Variants in AHCTF1 observed in about 807,000 individuals in gnomAD.
The protein encoded by AHCTF1 is protein ELYS.
In AHCTF1, 24 loss-of-function variants were observed where a neutral mutation model predicts 248.4. The ratio of observed to expected loss-of-function variants is 0.10; its 90% CI spans 0.07 to 0.14. The LOEUF is 0.14. Among genes scored for constraint, AHCTF1 ranks in the 10% least tolerant of loss-of-function variants. The pLI is 1.00. For synonymous variants in AHCTF1, 786 were observed against 929.8 expected, an observed-to-expected ratio of 0.85 and a Z score of 2.81; for missense variants, 2,206 against 2,636.2, an observed-to-expected ratio of 0.84 and a Z score of 3.57.
chr1:246,902,678 G>A lies in AHCTF1; in HGVS notation c.967-3C>T. ...CTTTCTTCACAGTATTCTAACCCCT[G>A]TAACATAAAATACACGCAAATATTA... On this transcript the variant is annotated splice_polypyrimidine_tract_variant and splice_region_variant and intron_variant, in intron 7 of 35. Transcript: ENST00000648844. 1 of 1,585,918 alleles carries A rather than the reference G, an allele frequency of 6.3e-7. No individual in the cohort carries two copies. Among genetic ancestry groups the A allele is most frequent in the Non-Finnish European group, 8.6e-7 (1 of 1,166,092 alleles).
Position 246,913,964 on chromosome 1 carries a change from C to CT in AHCTF1, c.376-553dup, listed in dbSNP as rs1665978110. On this transcript the variant is annotated intron_variant, in intron 3 of 35. Transcript: ENST00000648844. Reference sequence around the variant, plus strand: ...AAGATATTTTAAGTCCTCTTTATACCTTAAAGACTGAAGAGGTCTAACCTT... The same window carrying CT: ...AAGATATTTTAAGTCCTCTTTATACCTTTAAAGACTGAAGAGGTCTAACCTT... Among the ~76,000 whole-genome samples, 3 of 152,152 alleles carry CT rather than the reference C, an allele frequency of 2.0e-5. No individual in the cohort carries two copies. The South Asian group carries it at 6.2e-4, about 32-fold the overall frequency.
chr1:246,855,257 T>A (rs994778459), intron 31 of AHCTF1, among the ~76,000 whole-genome samples: 2 of 152,186 alleles, frequency 1.3e-5, no homozygotes, highest in Non-Finnish European at 2.9e-5. Flanking sequence ...GAAAATCCTA[T>A]CTTCCTCATC....
intron 8 of AHCTF1, 52 bp downstream of exon 8, chr1:246,902,473 A>T: frequency 1.3e-6 from 2 of 1,562,288 alleles, no homozygotes; most frequent in Non-Finnish European, 1.7e-6. Flanking sequence ...AACACCTGTC[A>T]TAAATTTTAA....
At chr1:246,857,964 C>CTTCTTTTT (rs111386980) in intron 29 of AHCTF1, 150 bp from the exon 30 acceptor site, 2 of 493,310 alleles carry the variant, frequency 4.1e-6, no homozygotes, top group Non-Finnish European at 3.4e-6. Context: ...ACACTTTCTT[C>CTTCTTTTT]TTTTTTTTTT....
chr1:246,906,777 A>G (rs923543276), intron 5 of AHCTF1, among the ~76,000 whole-genome samples: 2 of 152,240 alleles, frequency 1.3e-5, no homozygotes, highest in African/African-American at 4.8e-5. Flanking sequence ...GCTACAAAGT[A>G]TCAATATAAT....
At chr1:246,924,603 T>C (rs772092889) in intron 1 of AHCTF1, among the ~76,000 whole-genome samples, 1 of 152,058 alleles carries the variant, frequency 6.6e-6, no homozygotes, top group South Asian at 2.1e-4. Flanking sequence ...CACATCTTAG[T>C]CCCCTCCCCC....
rs1661825734 is a variant in AHCTF1, at chr1:246,864,654, T to C, written c.3348-538A>G. ...ATCGAGACCATCCTGGCTAACAAGG[T>C]GAAACCCCGTCTCTACTAAAAATAC... On this transcript the variant is annotated intron_variant, in intron 26 of 35. Coordinates refer to ENST00000648844, the MANE Select transcript of AHCTF1 (RefSeq NM_001323342.2). Among the ~76,000 whole-genome samples, 2 of 22,170 alleles carry C rather than the reference T, an allele frequency of 9.0e-5. 1 individual carries two copies. Among genetic ancestry groups the C allele is most frequent in the Non-Finnish European group, 1.3e-4 (2 of 15,530 alleles). 14.5% of individuals were successfully genotyped at this position (22,170 alleles called of 152,430 possible).
chr1:246,858,077 C>T (rs976691080), intron 29 of AHCTF1, among the ~76,000 whole-genome samples: 10 of 151,656 alleles, frequency 6.6e-5, no homozygotes, highest in Non-Finnish European at 5.9e-5. Flanking sequence ...CTCCTGCCTC[C>T]GCCCCCCGAG....
At position 246,851,108 on chromosome 1, in the gene AHCTF1, T is replaced by C; in HGVS notation, c.4898A>G (p.Asp1633Gly). ...CAAATTTGCAATTTGTCCATGATTA[T>C]CATTTTCCCCACTGCATACAAGTTT... ...EEKLVCSGEN[D>G]NHGQIANLPS... is the part of the protein sequence containing the mutation. Residue 1633 changes from aspartate to glycine, a missense_variant, in exon 33 of 36, where the codon GAT becomes GGT. By Grantham distance (94) the Asp-to-Gly change is moderately conservative. This residue lies in a region of AHCTF1 where 955 missense variants were observed against 1,055.6 expected (regional missense o/e 0.90). Coordinates refer to ENST00000648844, the MANE Select transcript of AHCTF1 (RefSeq NM_001323342.2). 6.2e-7 allele frequency: 1 copy of C among 1,613,952 alleles called. No homozygotes were observed. The highest frequency in any genetic ancestry group is 8.5e-7 in the Non-Finnish European group (1 of 1,179,856).
At chr1:246,930,845 T>C (rs901801809) in intron 1 of AHCTF1, among the ~76,000 whole-genome samples, 2 of 152,202 alleles carry the variant, frequency 1.3e-5, no homozygotes, top group Non-Finnish European at 2.9e-5. Flanking sequence ...AACTGACGAT[T>C]TGGAAATAAA....
intron 24 of AHCTF1, among the ~76,000 whole-genome samples, chr1:246,874,221 TA>T (rs1245983322): frequency 6.6e-6 from 1 of 152,202 alleles, no homozygotes; most frequent in Non-Finnish European, 1.5e-5. Flanking sequence ...TTCAGCTGAC[TA>T]AAGAGACTGA....
rs1218243638 is a variant in AHCTF1 at position 246,927,578 on chromosome 1, C to G, written c.-8+4000G>C. 3.3e-5 allele frequency among the ~76,000 whole-genome samples: 5 copies of G among 152,350 alleles called. 1 individual carries two copies. The South Asian group carries it at 1.0e-3, about 32-fold the overall frequency. ...TGAAACACCTACGTTCAGTACTGTA[C>G]AAAATTAAACAGAATCCCAGCCTTT... On this transcript the variant is annotated intron_variant, in intron 1 of 35. Coordinates refer to ENST00000648844, the MANE Select transcript of AHCTF1 (RefSeq NM_001323342.2).
In AHCTF1 at chr1:246,855,751, T is replaced by C. The variant is rs1420969378; in HGVS notation, c.4333A>G (p.Ile1445Val). ...LTSVETYTPA[I>V]RANDNKSMAD... ...ATACATTTATTGTCATTTGCTCTAATTGCAGGGGTGTAGGTTTCAACAGAT... is the reference window on the plus strand; with the variant it reads ...ATACATTTATTGTCATTTGCTCTAACTGCAGGGGTGTAGGTTTCAACAGAT... Residue 1445 changes from isoleucine to valine, a missense_variant, in exon 31 of 36, where the codon ATT becomes GTT. Transcript: ENST00000648844. 8 of 1,612,762 alleles carry C rather than the reference T, an allele frequency of 5.0e-6. No homozygotes were observed. Among genetic ancestry groups the C allele is most frequent in the South Asian group, 2.2e-5 (2 of 90,806 alleles).
intron 31 of AHCTF1, 116 bp from the exon 32 acceptor site, chr1:246,853,415 T>C (rs1275032659): frequency 1.3e-6 from 1 of 747,756 alleles, no homozygotes; most frequent in Non-Finnish European, 2.1e-6. Context: ...TAATAAACTA[T>C]CACAATGCCA....
chr1:246,861,464 G>A (rs1661545307), intron 28 of AHCTF1, among the ~76,000 whole-genome samples, 169 bp from the exon 29 acceptor site: 1 of 152,124 alleles, frequency 6.6e-6, no homozygotes, highest in African/African-American at 2.4e-5. Context: ...GTACGTAAAA[G>A]TTAATGGTGG....
intron 3 of AHCTF1, among the ~76,000 whole-genome samples, chr1:246,915,769 T>G (rs1666102236): frequency 6.6e-6 from 1 of 152,190 alleles, no homozygotes; most frequent in Admixed American, 6.5e-5. Context: ...ATTTTAAAAA[T>G]TGAATAGTAA....
intron 24 of AHCTF1, among the ~76,000 whole-genome samples, chr1:246,869,692 C>G (rs1662426722): frequency 6.6e-6 from 1 of 151,718 alleles, no homozygotes; most frequent in Non-Finnish European, 1.5e-5. Flanking sequence ...TATTTTAAGC[C>G]TACTGTTGAG....
At chr1:246,883,916 G>C (rs1441332849) in intron 21 of AHCTF1, among the ~76,000 whole-genome samples, 1 of 152,134 alleles carries the variant, frequency 6.6e-6, no homozygotes, top group Non-Finnish European at 1.5e-5. Flanking sequence ...TGCTCTGGAT[G>C]AATTAAAGAA....
intron 2 of AHCTF1, among the ~76,000 whole-genome samples, chr1:246,917,806 A>C (rs1666249373): frequency 3.3e-5 from 5 of 152,226 alleles, no homozygotes; most frequent in Admixed American, 3.3e-4. Flanking sequence ...ACACAATCTA[A>C]GTTACACATT....
Sources: allele counts gnomAD v4.1 joint callset (sites outside exome capture counted in the v4.1 genomes callset), GRCh38; gene constraint gnomAD v4.1.1; regional missense constraint gnomAD v4.1.1; transcripts MANE v1.5; gene names NCBI Gene and HGNC (gene_info 2026-07-23, HGNC 2026-07-21).